RNF166: variants seen among roughly 807,000 people sequenced by gnomAD.
RNF166 encodes E3 ubiquitin-protein ligase RNF166.
RNF166 carries 19 observed loss-of-function variants against 29.4 expected under a neutral mutation model. That is an observed-to-expected ratio of 0.65 (90% CI 0.45 to 0.95). The LOEUF is 0.95. Ranked by LOEUF, RNF166 falls within the 40% of genes least tolerant of loss-of-function variation. The probability of loss-of-function intolerance (pLI) is 0.00; values close to 1 mark genes in which losing one functional copy is unlikely to be tolerated. For synonymous variants in RNF166, 171 were observed against 134.5 expected (o/e 1.27, Z -1.88); for missense variants, 347 against 322.1 (o/e 1.08, Z -0.59).
rs997378494 is a variant in RNF166 at position 88,706,204 on chromosome 16, T to C, written c.122A>G (p.His41Arg). Reference sequence around the variant, plus strand: ...GCAGCTGCCGATGGCCACGGGCCGGTGATAGACCTCCAGGCAGATGGGGCA... The same window carrying C: ...GCAGCTGCCGATGGCCACGGGCCGGCGATAGACCTCCAGGCAGATGGGGCA... ...YTCPICLEVY[H>R]RPVAIGSCGH... The change falls in exon 1 of 6, where the codon CAC becomes CGC. Residue 41 changes from histidine to arginine, a missense_variant. Transcript: ENST00000312838. 4.6e-6 allele frequency: 6 copies of C among 1,311,202 alleles called. No homozygotes were observed. The Admixed American group carries it at 9.9e-5, about 22-fold the overall frequency. 81.2% of individuals were successfully genotyped at this position (1,311,202 alleles called of 1,614,324 possible).
intron 1 of RNF166, 179 bp from the exon 2 acceptor site, chr16:88,701,597 G>T: frequency 1.6e-6 from 1 of 606,562 alleles, no homozygotes; most frequent in Non-Finnish European, 2.8e-6. Context: ...AGCTGGATGG[G>T]CCCCATCTGG....
intron 1 of RNF166, chr16:88,703,273 C>T (rs932973685): frequency 2.0e-6 from 2 of 984,136 alleles, no homozygotes; most frequent in African/African-American, 3.5e-5. Flanking sequence ...ATTGCAAACA[C>T]ACTGGAAACG....
Position 88,696,610 on chromosome 16 carries a change from C to G in RNF166, c.*958G>C, listed in dbSNP as rs538097687. 4.4e-6 allele frequency: 2 copies of G among 454,590 alleles called. No individual in the cohort carries two copies. Among genetic ancestry groups the G allele is most frequent in the Admixed American group, 2.4e-5 (1 of 42,000 alleles). 28.2% of individuals were successfully genotyped at this position (454,590 alleles called of 1,614,324 possible). On this transcript the variant is annotated 3_prime_UTR_variant, in exon 6 of 6. Transcript: ENST00000312838. The stretch of plus-strand genomic sequence containing the variant: ...TGTTGCCCGGCCCGCCAAGCGGGCC[C>G]CTGCCCAGGCCCCCAAGCTCTGCCA...
In RNF166 at chr16:88,706,284, C is replaced by T. The variant is rs1263780739; in HGVS notation, c.42G>A (p.Arg14=). Residue 14 remains arginine (R), a synonymous_variant, in exon 1 of 6, where the codon CGG becomes CGA. Coordinates refer to ENST00000312838, the MANE Select transcript of RNF166 (RefSeq NM_178841.4). ...FRSLVASAQQ[R]QPPAGPAGGD... ...CGCCCGCCGGCCCGGCCGGCGGCTG[C>T]CGCTGCTGAGCCGAGGCCACCAGGC... 1 of 1,294,300 alleles carries T rather than the reference C, an allele frequency of 7.7e-7. No individual in the cohort carries two copies. Among genetic ancestry groups the T allele is most frequent in the Admixed American group, 3.8e-5 (1 of 26,416 alleles). The allele number at this position is 1,294,300 out of a possible 1,614,324, so 80.2% of individuals were successfully genotyped here.
In RNF166 at chr16:88,697,248, A is replaced by G. The variant is rs1909720060; in HGVS notation, c.*320T>C. The G allele has an allele frequency of 8.4e-6, 2 of 237,824 alleles. No individual in the cohort carries two copies. Among genetic ancestry groups the G allele is most frequent in the Non-Finnish European group, 1.6e-5 (2 of 121,964 alleles). 14.7% of individuals were successfully genotyped at this position (237,824 alleles called of 1,614,324 possible). A position where few individuals can be genotyped will look rare whatever the true frequency, so the allele number is the denominator to read the frequency against. On this transcript the variant is annotated 3_prime_UTR_variant, in exon 6 of 6. Coordinates refer to ENST00000312838, the MANE Select transcript of RNF166 (RefSeq NM_178841.4). ...ACTCGCGCGTCGGTCCCTTCTTCCC[A>G]CGAGGGGGTATCATGGCTTTGAAGA...
At chr16:88,704,309 GT>G in intron 1 of RNF166, 10 of 985,468 alleles carry the variant, frequency 1.0e-5, no homozygotes, top group Non-Finnish European at 1.2e-5. Flanking sequence ...AGCAGGAAAA[GT>G]CGGGGAGAAA....
intron 1 of RNF166, among the ~76,000 whole-genome samples, chr16:88,705,798 C>T (rs1403756204): frequency 1.3e-5 from 2 of 152,266 alleles, no homozygotes; most frequent in South Asian, 2.1e-4. Context: ...CTGCCCATTC[C>T]AGCCGCACAA....
intron 1 of RNF166, chr16:88,703,153 A>G (rs1329835921): frequency 3.0e-6 from 3 of 985,328 alleles, no homozygotes; most frequent in Middle Eastern, 5.2e-4. Context: ...TCCAGCAGAG[A>G]GAAACCCAGT....
intron 2 of RNF166, chr16:88,700,013 G>A (rs544866820): frequency 5.8e-4 from 149 of 256,260 alleles, no homozygotes; most frequent in Non-Finnish European, 1.0e-3. Flanking sequence ...TCTGGCGCCT[G>A]CAGGAGTTCA....
intron 2 of RNF166, 96 bp from the exon 3 acceptor site, chr16:88,699,828 G>C (rs1910029943): frequency 3.9e-6 from 3 of 776,020 alleles, no homozygotes; most frequent in Non-Finnish European, 6.2e-6. Context: ...CCAGAGAACT[G>C]TAAGCAAGCG....
Position 88,698,970 on chromosome 16 carries a change from C to T in RNF166, c.540+1G>A. The T allele has an allele frequency of 6.3e-7, 1 of 1,584,246 alleles. No individual in the cohort carries two copies. The highest frequency in any genetic ancestry group is 8.6e-7 in the Non-Finnish European group (1 of 1,164,706). On this transcript the variant is annotated splice_donor_variant, in intron 4 of 5. Coordinates refer to ENST00000312838, the MANE Select transcript of RNF166 (RefSeq NM_178841.4). LOFTEE classifies it high-confidence loss of function. ...CGTCGCTTGGGGCAGGCACTGCTCACCACGCGGTTGGGGTCGCTGCGGTGG... is the reference window on the plus strand; with the variant it reads ...CGTCGCTTGGGGCAGGCACTGCTCATCACGCGGTTGGGGTCGCTGCGGTGG...
intron 4 of RNF166, 106 bp from the exon 5 acceptor site, chr16:88,698,715 G>C (rs970976207): frequency 1.1e-6 from 1 of 879,482 alleles, no homozygotes; most frequent in African/African-American, 1.7e-5. Flanking sequence ...GCCTCAGCCT[G>C]GGAAGGCACC....
chr16:88,704,354 C>A (rs1255262212), intron 1 of RNF166: 2 of 985,302 alleles, frequency 2.0e-6, no homozygotes, highest in Admixed American at 6.1e-5. Flanking sequence ...GTGAAAAGCT[C>A]TTGCAGGACC....
rs147327212 is a variant in RNF166 at position 88,697,610 on chromosome 16, G to T, written c.672C>A (p.Ala224=). Residue 224 remains alanine, a synonymous_variant, in exon 6 of 6, where the codon GCC becomes GCA. Coordinates refer to ENST00000312838, the MANE Select transcript of RNF166 (RefSeq NM_178841.4). ...TFVDYSIDEE[A]AFQAALALSL... is the part of the protein sequence containing the mutation. ...ACAGGGCCAGAGCAGCCTGGAAGGCGGCCTCCTCGTCAATACTGTAGTCCT... is the reference window on the plus strand; with the variant it reads ...ACAGGGCCAGAGCAGCCTGGAAGGCTGCCTCCTCGTCAATACTGTAGTCCT... The T allele has an allele frequency of 2.6e-6, 4 of 1,551,920 alleles. No homozygotes were observed. In the African/African-American group the frequency reaches 4.1e-5, roughly 16 times the overall value.
chr16:88,700,902 C>G (rs948420894), intron 2 of RNF166: 58 of 1,134,302 alleles, frequency 5.1e-5, no homozygotes, highest in Non-Finnish European at 6.1e-5. Flanking sequence ...GACCTTGGAG[C>G]CCCCAGCGCC....
Position 88,703,397 on chromosome 16 carries a change from G to A in RNF166, c.156-1979C>T, listed in dbSNP as rs896698589. 3 of 985,414 alleles carry A rather than the reference G, an allele frequency of 3.0e-6. No individual in the cohort carries two copies. In the Admixed American group the frequency reaches 1.8e-4, roughly 61 times the overall value. The allele number at this position is 985,414 out of a possible 1,614,324, so 61.0% of individuals were successfully genotyped here. ...AGGAAAAGGGTCCCAGGCAGAGCTT[G>A]GGAAGAGAGGAAAGGTGCCCAGAAG... On this transcript the variant is annotated intron_variant, in intron 1 of 5. Coordinates refer to ENST00000312838, the MANE Select transcript of RNF166 (RefSeq NM_178841.4).
chr16:88,703,586 G>A (rs1372707309), intron 1 of RNF166: 2 of 985,378 alleles, frequency 2.0e-6, no homozygotes, highest in East Asian at 2.3e-4. Flanking sequence ...GTGACTGCCA[G>A]CCTGGTGTTC....
rs1909778845 is a variant in RNF166, at chr16:88,697,786, G to A, written c.649-153C>T. The A allele has an allele frequency of 8.0e-6, 5 of 625,004 alleles. No homozygotes were observed. In the East Asian group the frequency reaches 8.5e-5, roughly 11 times the overall value. 38.7% of individuals were successfully genotyped at this position (625,004 alleles called of 1,614,324 possible). A position where few individuals can be genotyped will look rare whatever the true frequency, so the allele number is the denominator to read the frequency against. ...GCTCCACTGTCCCCACAGGCTCGGG[G>A]CCTGCACGGTCCTCTGGGGGGTGAG... On this transcript the variant is annotated intron_variant, in intron 5 of 5. Transcript: ENST00000312838.
chr16:88,702,664 G>A (rs1041065300), intron 1 of RNF166: 39 of 978,792 alleles, frequency 4.0e-5, no homozygotes, highest in Non-Finnish European at 4.7e-5. Flanking sequence ...CCTGGCTGGT[G>A]GCTCCCACAT....
Sources: gnomAD v4.1 joint callset for allele counts (sites outside exome capture counted in the v4.1 genomes callset) on GRCh38, gnomAD v4.1.1 for gene constraint, MANE v1.5 for transcripts, NCBI Gene and HGNC (gene_info 2026-07-23, HGNC 2026-07-21) for gene names.